CDH13: variants seen among roughly 807,000 people sequenced by gnomAD.
CDH13 encodes the protein cadherin 13.
CDH13 carries 24 observed loss-of-function variants against 63.8 expected under a neutral mutation model. The observed-to-expected ratio is 0.38, with a 90% CI of 0.27 to 0.53. The LOEUF (loss-of-function observed/expected upper bound fraction) is 0.53, where lower values mean the gene tolerates loss of function less well. Ranked by LOEUF, CDH13 falls within the 20% of genes least tolerant of loss-of-function variation. The probability of loss-of-function intolerance (pLI) is 0.85; values close to 1 mark genes in which losing one functional copy is unlikely to be tolerated. For synonymous variants in CDH13, 503 were observed against 355.3 expected (o/e 1.42, Z -4.67); for missense variants, 1,049 against 903.1 (o/e 1.16, Z -2.07).
At chr16:82,670,129 A>G (rs2150941991) in intron 1 of CDH13, among the ~76,000 whole-genome samples, 1 of 152,296 alleles carries the variant, frequency 6.6e-6, no homozygotes, top group South Asian at 2.1e-4. Context: ...TTCAGGTTGG[A>G]CTGCCCACTC....
chr16:83,115,491 A>G (rs2035249138), intron 3 of CDH13, among the ~76,000 whole-genome samples: 1 of 152,226 alleles, frequency 6.6e-6, no homozygotes, highest in South Asian at 2.1e-4. Flanking sequence ...AAACTCTCCA[A>G]AGGAATAACC....
At chr16:83,621,475 C>CT (rs72032168) in intron 8 of CDH13, among the ~76,000 whole-genome samples, 563 of 28,504 alleles carry the variant, frequency 0.02, 208 homozygotes, top group African/African-American at 0.079. Context: ...CCTCACCTGC[C>CT]TTTTTTTTTT....
chr16:82,799,945 C>A (rs1038036226), intron 1 of CDH13, among the ~76,000 whole-genome samples: 1 of 152,172 alleles, frequency 6.6e-6, no homozygotes, highest in African/African-American at 2.4e-5. Flanking sequence ...CGTGGAACCA[C>A]TGCGTTATCA....
intron 1 of CDH13, among the ~76,000 whole-genome samples, chr16:82,736,052 T>C (rs987868026): frequency 6.6e-6 from 1 of 152,220 alleles, no homozygotes; most frequent in Non-Finnish European, 1.5e-5. Context: ...AAGCGATTCA[T>C]GAAAAACCTG....
At chr16:83,767,183 T>C (rs564615376) in intron 11 of CDH13, among the ~76,000 whole-genome samples, 4 of 152,172 alleles carry the variant, frequency 2.6e-5, no homozygotes, top group Non-Finnish European at 4.4e-5. Context: ...TTTTGTAACA[T>C]GTATATCTAG....
chr16:83,141,654 G>C (rs1201930602), intron 4 of CDH13, among the ~76,000 whole-genome samples: 1 of 152,122 alleles, frequency 6.6e-6, no homozygotes, highest in Non-Finnish European at 1.5e-5. Context: ...TTGTCCTAAT[G>C]CTCTCTCTCC....
chr16:83,563,579 AT>A (rs2075743754), intron 7 of CDH13, among the ~76,000 whole-genome samples: 1 of 152,118 alleles, frequency 6.6e-6, no homozygotes, highest in African/African-American at 2.4e-5. Context: ...AATGTGCTTG[AT>A]TTGGTGGAAA....
chr16:83,711,440 A>G (rs1294390383), intron 10 of CDH13, among the ~76,000 whole-genome samples: 1 of 152,184 alleles, frequency 6.6e-6, no homozygotes, highest in Non-Finnish European at 1.5e-5. Context: ...CTAATGGCTG[A>G]GAGGCACACT....
intron 4 of CDH13, among the ~76,000 whole-genome samples, chr16:83,133,340 T>A (rs7202038): frequency 0.042 from 6,342 of 152,290 alleles, 406 homozygotes; most frequent in African/African-American, 0.14. Context: ...TCCTTAATAA[T>A]CTTTGTATTG....
At chr16:83,037,957 A>T (rs1917012155) in intron 3 of CDH13, among the ~76,000 whole-genome samples, 1 of 152,174 alleles carries the variant, frequency 6.6e-6, no homozygotes, top group Non-Finnish European at 1.5e-5. Context: ...AGGAGGAAGG[A>T]TAAGGAACTG....
chr16:83,602,107 C>CAAAAAAAA (rs869202510), intron 7 of CDH13, among the ~76,000 whole-genome samples: 7 of 7,952 alleles, frequency 8.8e-4, no homozygotes, highest in East Asian at 7.7e-3. Flanking sequence ...AGAACAACAA[C>CAAAAAAAA]AAAAAAAAAA....
At chr16:83,543,834 G>A (rs762134260) in intron 7 of CDH13, among the ~76,000 whole-genome samples, 2 of 152,196 alleles carry the variant, frequency 1.3e-5, no homozygotes, top group African/African-American at 4.8e-5. Flanking sequence ...CCAAACGTCA[G>A]TAGTGCCAGC....
chr16:82,651,390 G>A (rs1056534639), intron 1 of CDH13, among the ~76,000 whole-genome samples: 18 of 152,130 alleles, frequency 1.2e-4, no homozygotes, highest in African/African-American at 4.3e-4. Context: ...TCAGAAGCCT[G>A]GGAAAGACAT....
intron 5 of CDH13, among the ~76,000 whole-genome samples, chr16:83,294,828 A>T (rs1021860730): frequency 9.2e-5 from 14 of 152,166 alleles, no homozygotes; most frequent in Admixed American, 3.3e-4. Context: ...CAGATTCAAC[A>T]TAATCTATAT....
intron 4 of CDH13, among the ~76,000 whole-genome samples, chr16:83,216,641 A>G (rs1386762296): frequency 6.9e-6 from 1 of 144,790 alleles, no homozygotes; most frequent in East Asian, 2.0e-4. Context: ...TTTAATATAT[A>G]TATTATATAT....
In CDH13 at chr16:83,277,310, G is replaced by C. The variant is rs376844346; in HGVS notation, c.636+59813G>C. Among the ~76,000 whole-genome samples the C allele has an allele frequency of 3.9e-5, 6 of 152,246 alleles. No homozygotes were observed. In the East Asian group the frequency reaches 9.7e-4, roughly 25 times the overall value. On this transcript the variant is annotated intron_variant, in intron 5 of 13. Transcript: ENST00000567109. ...GCAGGCTGAACAAAGCCTGTCTGAAGGTTGTCAGATAACTATGTTCTCCAA... is the reference window on the plus strand; with the variant it reads ...GCAGGCTGAACAAAGCCTGTCTGAACGTTGTCAGATAACTATGTTCTCCAA...
chr16:83,694,704 C>T (rs994693490), intron 10 of CDH13, among the ~76,000 whole-genome samples: 5 of 152,308 alleles, frequency 3.3e-5, no homozygotes, highest in African/African-American at 4.8e-5. Flanking sequence ...AAGAATGCTA[C>T]AGAACAGGGC....
intron 5 of CDH13, among the ~76,000 whole-genome samples, chr16:83,285,458 C>T (rs751269418): frequency 1.6e-4 from 25 of 151,558 alleles, no homozygotes; most frequent in Non-Finnish European, 3.2e-4. Context: ...TCACTGAGTA[C>T]AGGTGGTCAC....
chr16:83,330,910 A>G (rs1470219635), intron 5 of CDH13, among the ~76,000 whole-genome samples: 1 of 152,240 alleles, frequency 6.6e-6, no homozygotes, highest in Non-Finnish European at 1.5e-5. Flanking sequence ...CTTATCAGGA[A>G]CATAATGCGA....
Sources: allele counts gnomAD v4.1 joint callset (sites outside exome capture counted in the v4.1 genomes callset), GRCh38; gene constraint gnomAD v4.1.1; transcripts MANE v1.5; gene names NCBI Gene and HGNC (gene_info 2026-07-23, HGNC 2026-07-21).